The following KCNIP4 variants were observed in gnomAD, a reference collection of about 807,000 sequenced individuals.
The protein encoded by KCNIP4 is Kv channel-interacting protein 4.
KCNIP4 carries 12 observed loss-of-function variants against 34.0 expected under a neutral mutation model. That is an observed-to-expected ratio of 0.35 (90% confidence interval 0.23 to 0.57). The LOEUF is 0.57. Among genes scored for constraint, KCNIP4 ranks in the 20% least tolerant of loss-of-function variants. The pLI is 0.83. For missense variants in KCNIP4, 238 were observed against 311.7 expected (o/e 0.76, Z 1.78); for synonymous variants, 124 against 102.2 (o/e 1.21, Z -1.29).
At chr4:21,878,888 A>T (rs892338847) in intron 1 of KCNIP4, among the ~76,000 whole-genome samples, 1 of 152,176 alleles carries the variant, frequency 6.6e-6, no homozygotes, top group Non-Finnish European at 1.5e-5. Flanking sequence ...AGTACTACTT[A>T]GTGTCTCCTT....
At chr4:21,095,917 C>G (rs1293090050) in intron 1 of KCNIP4, among the ~76,000 whole-genome samples, 1 of 152,204 alleles carries the variant, frequency 6.6e-6, no homozygotes, top group South Asian at 2.1e-4. Flanking sequence ...AAACCAAAAT[C>G]CCCAGGAAAC....
intron 1 of KCNIP4, among the ~76,000 whole-genome samples, chr4:21,529,929 A>C (rs1248171480): frequency 6.6e-6 from 1 of 152,202 alleles, no homozygotes; most frequent in African/African-American, 2.4e-5. Context: ...GAATTGAAAC[A>C]CAGTTCGCGA....
chr4:20,798,082 C>T (rs1055094103), intron 3 of KCNIP4, among the ~76,000 whole-genome samples: 8 of 152,218 alleles, frequency 5.3e-5, no homozygotes, highest in African/African-American at 1.2e-4. Context: ...ATTTGTTCAT[C>T]TCTATATTTA....
At chr4:21,615,293 C>T (rs1332788853) in intron 1 of KCNIP4, among the ~76,000 whole-genome samples, 1 of 151,958 alleles carries the variant, frequency 6.6e-6, no homozygotes, top group Admixed American at 6.6e-5. Context: ...GTAATCCTAG[C>T]ACTTTGGGAG....
At chr4:21,492,029 T>C (rs1732441594) in intron 1 of KCNIP4, among the ~76,000 whole-genome samples, 1 of 152,212 alleles carries the variant, frequency 6.6e-6, no homozygotes, top group South Asian at 2.1e-4. Flanking sequence ...AGATAGATTC[T>C]CTACTGTATC....
intron 1 of KCNIP4, among the ~76,000 whole-genome samples, chr4:21,179,109 G>A (rs1342417619): frequency 6.6e-6 from 1 of 152,174 alleles, no homozygotes; most frequent in East Asian, 1.9e-4. Flanking sequence ...GAGCCACCAC[G>A]CCCAGCAAAC....
At chr4:20,758,074 G>C (rs1367052210) in intron 4 of KCNIP4, among the ~76,000 whole-genome samples, 1 of 152,118 alleles carries the variant, frequency 6.6e-6, no homozygotes, top group Non-Finnish European at 1.5e-5. Flanking sequence ...CCCCCTACGT[G>C]ATCAGCACCT....
chr4:20,872,383 T>C (rs2149511631), intron 2 of KCNIP4, among the ~76,000 whole-genome samples: 1 of 152,260 alleles, frequency 6.6e-6, no homozygotes, highest in East Asian at 1.9e-4. Flanking sequence ...CATCAAGAAT[T>C]GCTGCCTGTC....
intron 1 of KCNIP4, among the ~76,000 whole-genome samples, chr4:20,915,152 G>A (rs1171338229): frequency 6.6e-6 from 1 of 152,116 alleles, no homozygotes; most frequent in Non-Finnish European, 1.5e-5. Context: ...GCCAACAAAC[G>A]CTATTTATTC....
At chr4:20,764,015 C>G (rs1366748096) in intron 3 of KCNIP4, among the ~76,000 whole-genome samples, 1 of 152,090 alleles carries the variant, frequency 6.6e-6, no homozygotes, top group Non-Finnish European at 1.5e-5. Context: ...TTCTAAGGAT[C>G]CAAGAAGCAG....
At chr4:20,827,330 C>T (rs1160207067) in intron 3 of KCNIP4, among the ~76,000 whole-genome samples, 1 of 152,124 alleles carries the variant, frequency 6.6e-6, no homozygotes, top group Non-Finnish European at 1.5e-5. Context: ...GATTGCTTTT[C>T]ACTGAGGTCT....
At chr4:21,193,571 ATTT>A (rs71655619) in intron 1 of KCNIP4, among the ~76,000 whole-genome samples, 4 of 119,228 alleles carry the variant, frequency 3.4e-5, no homozygotes, top group African/African-American at 7.1e-5. Context: ...GCAATTTTAA[ATTT>A]TTTTTTTTTT....
chr4:21,579,802 AC>A (rs1465988102), intron 1 of KCNIP4, among the ~76,000 whole-genome samples: 2 of 152,210 alleles, frequency 1.3e-5, no homozygotes, highest in African/African-American at 4.8e-5. Flanking sequence ...ACTTTATTTA[AC>A]TAAATGTTTC....
At chr4:20,960,468 C>T (rs148082650) in intron 1 of KCNIP4, among the ~76,000 whole-genome samples, 3 of 152,308 alleles carry the variant, frequency 2.0e-5, no homozygotes, top group African/African-American at 2.4e-5. Context: ...CTTCTGCTCA[C>T]GGACACTTGG....
chr4:20,783,640 G>A (rs533610288), intron 3 of KCNIP4, among the ~76,000 whole-genome samples: 57 of 152,206 alleles, frequency 3.7e-4, no homozygotes, highest in African/African-American at 1.1e-3. Flanking sequence ...GGAAATTATC[G>A]GAGTACAATT....
chr4:21,247,800 G>GATATAT (rs369985938), intron 1 of KCNIP4, among the ~76,000 whole-genome samples: 603 of 50,766 alleles, frequency 0.012, 10 homozygotes, highest in African/African-American at 0.033. Context: ...ACCACAGGTG[G>GATATAT]ATATATATAT....
chr4:21,569,234 T>TA (rs71191521), intron 1 of KCNIP4, among the ~76,000 whole-genome samples: 857 of 25,178 alleles, frequency 0.034, 151 homozygotes, highest in Non-Finnish European at 0.045. Flanking sequence ...ACTGATATTC[T>TA]AAAAAAAAAA....
At chr4:21,123,105 T>C (rs998519020) in intron 1 of KCNIP4, among the ~76,000 whole-genome samples, 4 of 151,948 alleles carry the variant, frequency 2.6e-5, no homozygotes, top group African/African-American at 7.3e-5. Flanking sequence ...TCCCAGCTAC[T>C]TGGGAGGCTG....
chr4:21,319,641 A>G (rs35799648), intron 1 of KCNIP4, among the ~76,000 whole-genome samples: 11,980 of 152,220 alleles, frequency 0.079, 485 homozygotes, highest in Middle Eastern at 0.12. Flanking sequence ...TTGTGAAGGT[A>G]AACTTCTTTC....
Sources: allele counts gnomAD v4.1 joint callset (sites outside exome capture counted in the v4.1 genomes callset), GRCh38; gene constraint gnomAD v4.1.1; transcripts MANE v1.5; gene names NCBI Gene and HGNC (gene_info 2026-07-23, HGNC 2026-07-21).